The following GPATCH2 variants were observed in gnomAD, a reference collection of about 807,000 sequenced individuals.
The protein encoded by GPATCH2 is G-patch domain containing 2.
In GPATCH2, 51 loss-of-function variants were observed where a neutral mutation model predicts 58.0. The ratio of observed to expected loss-of-function variants is 0.88; its 90% CI spans 0.70 to 1.11. The LOEUF (loss-of-function observed/expected upper bound fraction) is 1.11, where lower values mean the gene tolerates loss of function less well. GPATCH2 is among the 50% of genes most tolerant of loss of function. GPATCH2 has a pLI of 0.00. For synonymous variants in GPATCH2, 222 were observed against 218.5 expected, an observed-to-expected ratio of 1.02 and a Z score of -0.14; for missense variants, 625 against 652.2, an observed-to-expected ratio of 0.96 and a Z score of 0.45.
At chr1:217,549,392 A>C (rs1665238142) in intron 5 of GPATCH2, among the ~76,000 whole-genome samples, 1 of 152,214 alleles carries the variant, frequency 6.6e-6, no homozygotes, top group Non-Finnish European at 1.5e-5. Context: ...TTGGGAAATG[A>C]AGATGGCAAA....
chr1:217,518,978 C>A (rs992880642), intron 5 of GPATCH2, among the ~76,000 whole-genome samples: 7 of 152,162 alleles, frequency 4.6e-5, no homozygotes. Context: ...TTTGTCAAGA[C>A]CCAGAGGTTT....
chr1:217,526,393 G>C (rs1373252781), intron 5 of GPATCH2, among the ~76,000 whole-genome samples: 1 of 151,690 alleles, frequency 6.6e-6, no homozygotes, highest in Non-Finnish European at 1.5e-5. Flanking sequence ...AATTTCCATA[G>C]CTAAAAAAAA....
At chr1:217,562,120 T>A (rs138078419) in intron 5 of GPATCH2, among the ~76,000 whole-genome samples, 1 of 152,098 alleles carries the variant, frequency 6.6e-6, no homozygotes, top group Non-Finnish European at 1.5e-5. Flanking sequence ...TTCCAAATGA[T>A]CTGAAAAGTA....
chr1:217,545,273 C>A (rs1237789966), intron 5 of GPATCH2, among the ~76,000 whole-genome samples: 1 of 152,144 alleles, frequency 6.6e-6, no homozygotes, highest in Non-Finnish European at 1.5e-5. Context: ...GAGTGGAGAG[C>A]GACAGTGAAG....
chr1:217,468,515 CCACACACACACACACACACACACACACA>C (rs10524566), intron 8 of GPATCH2, among the ~76,000 whole-genome samples: 7 of 142,630 alleles, frequency 4.9e-5, no homozygotes, highest in Non-Finnish European at 4.6e-5. Flanking sequence ...GCACACACAA[CCACACACACACACACACACACACACACA>C]CACACACACA....
chr1:217,550,049 C>T (rs1047527988), intron 5 of GPATCH2, among the ~76,000 whole-genome samples: 1 of 152,088 alleles, frequency 6.6e-6, no homozygotes, highest in African/African-American at 2.4e-5. Flanking sequence ...ATACCAATAT[C>T]TACACTTCCT....
At chr1:217,542,697 C>G (rs2102647749) in intron 5 of GPATCH2, among the ~76,000 whole-genome samples, 1 of 152,284 alleles carries the variant, frequency 6.6e-6, no homozygotes, top group Non-Finnish European at 1.5e-5. Flanking sequence ...AAAAATGTCT[C>G]AGCATAATAA....
At chr1:217,577,635 G>A (rs1001109281) in intron 5 of GPATCH2, among the ~76,000 whole-genome samples, 1 of 152,134 alleles carries the variant, frequency 6.6e-6, no homozygotes, top group Non-Finnish European at 1.5e-5. Flanking sequence ...GTTATATAGT[G>A]AATGGAATTC....
intron 5 of GPATCH2, among the ~76,000 whole-genome samples, chr1:217,559,665 T>C (rs1473510837): frequency 6.6e-6 from 1 of 151,746 alleles, no homozygotes; most frequent in African/African-American, 2.4e-5. Context: ...CCAAGCCTGG[T>C]TGAGAATGAA....
rs1669218340 is a variant in GPATCH2 at position 217,622,130 on chromosome 1, T to C, written c.57-1631A>G. On this transcript the variant is annotated intron_variant, in intron 1 of 9. Coordinates refer to ENST00000366935, the MANE Select transcript of GPATCH2 (RefSeq NM_018040.5). ...TTATGATTAATTTAGCACCAGGTAG[T>C]ATTACTGTAATCCTCAAGACAGATT... 2.6e-5 allele frequency among the ~76,000 whole-genome samples: 4 copies of C among 152,318 alleles called. No homozygotes were observed. In the South Asian group the frequency reaches 8.3e-4, roughly 32 times the overall value.
Position 217,619,917 on chromosome 1 carries a change from C to G in GPATCH2, c.639G>C (p.Lys213Asn), listed in dbSNP as rs755328552. Residue 213 changes from lysine (K) to asparagine (N), a missense_variant, in exon 2 of 10, where the codon AAG becomes AAC. Transcript: ENST00000366935. ...EFTKNKVKKRKLKIIRQGPKI... is the reference protein window; with the variant it reads ...EFTKNKVKKRNLKIIRQGPKI... ...TTGGTCCTTGTCTGATTATTTTCAA[C>G]TTTCTTTTTTTGACTTTGTTCTTGG... 15 of 1,613,726 alleles carry G rather than the reference C, an allele frequency of 9.3e-6. No homozygotes were observed. Among genetic ancestry groups the G allele is most frequent in the African/African-American group, 1.3e-5 (1 of 74,850 alleles).
In GPATCH2 at chr1:217,614,788, A is replaced by AT. The variant is rs1341604525; in HGVS notation, c.774-587_774-586insA. 4.1e-3 allele frequency among the ~76,000 whole-genome samples: 614 copies of AT among 151,130 alleles called. 6 individuals are homozygous for AT. Among genetic ancestry groups the AT allele is most frequent in the African/African-American group, 0.014 (580 of 41,194 alleles). On this transcript the variant is annotated intron_variant, in intron 2 of 9. Transcript: ENST00000366935. ...TCACTTTTAAGCAAAAAAAAAAAAAAAATAATATTACAAATATTAAGGAGG... is the reference window on the plus strand; with the variant it reads ...TCACTTTTAAGCAAAAAAAAAAAAAATAATAATATTACAAATATTAAGGAGG...
chr1:217,567,046 C>CTTTT (rs71301102), intron 5 of GPATCH2, among the ~76,000 whole-genome samples: 1 of 133,590 alleles, frequency 7.5e-6, no homozygotes, highest in Non-Finnish European at 1.5e-5. Context: ...TAACTTCTGG[C>CTTTT]TTTTTTTTTT....
chr1:217,515,565 G>A lies in GPATCH2; in HGVS notation c.1099-676C>T, dbSNP rs150614800. On this transcript the variant is annotated intron_variant, in intron 5 of 9. Coordinates refer to ENST00000366935, the MANE Select transcript of GPATCH2 (RefSeq NM_018040.5). ...TCTATTACAAATGCAAAAATTAGCC[G>A]GGCATGGTGGCACACGTCTGTAATC... Among the ~76,000 whole-genome samples the A allele has an allele frequency of 6.7e-3, 1,015 of 152,032 alleles. 14 individuals are homozygous for A. Among genetic ancestry groups the A allele is most frequent in the African/African-American group, 0.023 (937 of 41,488 alleles).
At chr1:217,443,600 T>C (rs1659249571) in intron 9 of GPATCH2, among the ~76,000 whole-genome samples, 1 of 152,160 alleles carries the variant, frequency 6.6e-6, no homozygotes, top group African/African-American at 2.4e-5. Flanking sequence ...TTCCTGAATA[T>C]TGCACCATCT....
rs3210309 is a variant in GPATCH2, at chr1:217,619,921, C to G, written c.635G>C (p.Arg212Thr). The G allele has an allele frequency of 6.2e-7, 1 of 1,613,630 alleles. No individual in the cohort carries two copies. Among genetic ancestry groups the G allele is most frequent in the African/African-American group, 1.3e-5 (1 of 74,862 alleles). ...TCCTTGTCTGATTATTTTCAACTTT[C>G]TTTTTTTGACTTTGTTCTTGGTAAA... is the stretch of plus-strand genomic sequence containing the variant. ...QEFTKNKVKKRKLKIIRQGPK... is the reference protein window; with the variant it reads ...QEFTKNKVKKTKLKIIRQGPK... Residue 212 changes from arginine to threonine, a missense_variant, in exon 2 of 10, where the codon AGA becomes ACA. Physicochemically the swap from Arg to Thr is moderately conservative, Grantham distance 71. Transcript: ENST00000366935.
chr1:217,581,648 C>T (rs527482744), intron 5 of GPATCH2, among the ~76,000 whole-genome samples: 1 of 152,246 alleles, frequency 6.6e-6, no homozygotes, highest in Non-Finnish European at 1.5e-5. Flanking sequence ...CCCAAGAGAA[C>T]AGTGTGAAAT....
At chr1:217,443,955 G>T (rs1450162822) in intron 9 of GPATCH2, among the ~76,000 whole-genome samples, 1 of 151,638 alleles carries the variant, frequency 6.6e-6, no homozygotes, top group Admixed American at 6.6e-5. Flanking sequence ...TTTAGTTTTG[G>T]TTTATGAGAT....
chr1:217,526,210 G>A (rs145391452), intron 5 of GPATCH2, among the ~76,000 whole-genome samples: 332 of 152,244 alleles, frequency 2.2e-3, no homozygotes, highest in Non-Finnish European at 4.3e-3. Flanking sequence ...AATGCTGATA[G>A]TCTCAACACT....
Sources: gnomAD v4.1 joint callset for allele counts (sites outside exome capture counted in the v4.1 genomes callset) on GRCh38, gnomAD v4.1.1 for gene constraint, MANE v1.5 for transcripts, NCBI Gene and HGNC (gene_info 2026-07-23, HGNC 2026-07-21) for gene names.